The following MAX variants were observed in gnomAD, a reference collection of about 807,000 sequenced individuals.
MAX encodes the protein MYC associated transcriptional regulator X, also known as protein max.
MAX carries 3 observed loss-of-function variants against 22.3 expected under a neutral mutation model. The observed-to-expected ratio is 0.13, with a 90% CI of 0.06 to 0.35. The LOEUF is 0.35. Ranked by LOEUF, MAX falls within the 10% of genes least tolerant of loss-of-function variation. MAX has a pLI of 1.00. For synonymous variants in MAX, 72 were observed against 77.7 expected, an observed-to-expected ratio of 0.93 and a Z score of 0.39; for missense variants, 119 against 209.4, an observed-to-expected ratio of 0.57 and a Z score of 2.66.
rs773260448 is a variant in MAX at position 65,077,420 on chromosome 14, C to T, written c.295+493G>A. 3.1e-6 allele frequency: 5 copies of T among 1,611,016 alleles called. No homozygotes were observed. Among genetic ancestry groups the T allele is most frequent in the South Asian group, 2.2e-5 (2 of 91,024 alleles). ...AGGAACAAAGAACTTGATCAGCTCT[C>T]GCTTTCCCCTGTGGTTGTAGGAAAA... On this transcript the variant is annotated intron_variant, in intron 4 of 4. Coordinates refer to ENST00000358664, the MANE Select transcript of MAX (RefSeq NM_002382.5). This position sits in a 1 kb window ranked among gnomAD's most constrained non-coding sequence, Gnocchi z 6.3.
Position 65,077,252 on chromosome 14 carries a change from T to G in MAX, c.296-589A>C, listed in dbSNP as rs190410205. 1,576 of 972,960 alleles carry G rather than the reference T, an allele frequency of 1.6e-3. 11 individuals are homozygous for G. In the African/African-American group the frequency reaches 0.02, roughly 12 times the overall value. 60.3% of individuals were successfully genotyped at this position (972,960 alleles called of 1,614,324 possible). On this transcript the variant is annotated intron_variant, in intron 4 of 4. Transcript: ENST00000358664. The surrounding 1 kb of genome is among the most constrained non-coding windows in gnomAD (Gnocchi z 6.3). ...CTGACACCACCCACTGCCCATCCCT[T>G]GGTTCAGCTCAGCTTGAGCCTGGAA... is the stretch of plus-strand genomic sequence containing the variant.
At position 65,093,805 on chromosome 14, in the gene MAX, C is replaced by T. The variant is rs1386979906; in HGVS notation, c.74G>A (p.Arg25Gln). 6.3e-7 allele frequency: 1 copy of T among 1,581,528 alleles called. No homozygotes were observed. Among genetic ancestry groups the T allele is most frequent in the Non-Finnish European group, 8.7e-7 (1 of 1,150,330 alleles). Reference sequence around the variant, plus strand: ...TCGTTCCAGTGCATTATGATGAGCCCGTTTGTCAGCCTAGAAGAATGGGAG... The same window carrying T: ...TCGTTCCAGTGCATTATGATGAGCCTGTTTGTCAGCCTAGAAGAATGGGAG... ...QPRFQSAADKRAHHNALERKR... is the reference protein window; with the variant it reads ...QPRFQSAADKQAHHNALERKR... Residue 25 changes from arginine to glutamine, a missense_variant, in exon 3 of 5, where the codon CGG (arginine) becomes CAG (glutamine). Coordinates refer to ENST00000358664, the MANE Select transcript of MAX (RefSeq NM_002382.5). The surrounding 1 kb of genome is among the most constrained non-coding windows in gnomAD (Gnocchi z 4.4).
intron 3 of MAX, among the ~76,000 whole-genome samples, chr14:65,026,232 A>G (rs891434573): frequency 2.6e-5 from 4 of 152,230 alleles, no homozygotes; most frequent in Non-Finnish European, 5.9e-5. Flanking sequence ...AAACAGCTTG[A>G]TAACCAGGGC....
At position 65,075,588 on chromosome 14, in the gene MAX, G is replaced by A. The variant is rs1049514372; in HGVS notation, c.*888C>T. On this transcript the variant is annotated 3_prime_UTR_variant, in exon 5 of 5. Transcript: ENST00000358664. This position sits in a 1 kb window ranked among gnomAD's most constrained non-coding sequence, Gnocchi z 4.1. The stretch of plus-strand genomic sequence containing the variant: ...TATGAATCTGTCGCTTTGCAAGACC[G>A]ACATCATCAGAAATAGGTACAATTC... 17 of 1,066,090 alleles carry A rather than the reference G, an allele frequency of 1.6e-5. 1 individual carries two copies. In the South Asian group the frequency reaches 2.7e-4, roughly 17 times the overall value. The allele number at this position is 1,066,090 out of a possible 1,614,324, so 66.0% of individuals were successfully genotyped here. A position where few individuals can be genotyped will look rare whatever the true frequency, so the allele number is the denominator to read the frequency against.
Position 65,027,877 on chromosome 14 carries a change from C to G in MAX, c.172-21593G>C. The G allele has an allele frequency of 6.6e-7, 1 of 1,508,330 alleles. No individual in the cohort carries two copies. Among genetic ancestry groups the G allele is most frequent in the South Asian group, 1.2e-5 (1 of 84,800 alleles). The allele number at this position is 1,508,330 out of a possible 1,614,324, so 93.4% of individuals were successfully genotyped here. A position where few individuals can be genotyped will look rare whatever the true frequency, so the allele number is the denominator to read the frequency against. On this transcript the variant is annotated intron_variant, in intron 3 of 3. Coordinates refer to the MAX transcript ENST00000341653. This position sits in a 1 kb window ranked among gnomAD's most constrained non-coding sequence, Gnocchi z 5.7. Reference sequence around the variant, plus strand: ...CCTAAGGAACATCATGGGGAAGCTGCTGCTTTGTCCCAGAATGACACATGG... The same window carrying G: ...CCTAAGGAACATCATGGGGAAGCTGGTGCTTTGTCCCAGAATGACACATGG...
At chr14:65,056,757 G>C (rs1444387218) in intron 3 of MAX, among the ~76,000 whole-genome samples, 2 of 152,174 alleles carry the variant, frequency 1.3e-5, no homozygotes, top group Non-Finnish European at 1.5e-5. Context: ...CATGTGTGTA[G>C]TGAATATCTT....
rs1028733104 is a variant in MAX, at chr14:65,044,942, C to T, written c.172-38658G>A. On this transcript the variant is annotated intron_variant, in intron 3 of 3. Coordinates refer to the MAX transcript ENST00000341653. The surrounding 1 kb of genome is among the most constrained non-coding windows in gnomAD (Gnocchi z 5.5). ...CCCTACACCATGGAGAAGAGACTCGCCGTGTCTGACTGGCTGCAGAGTTGT... is the reference window on the plus strand; with the variant it reads ...CCCTACACCATGGAGAAGAGACTCGTCGTGTCTGACTGGCTGCAGAGTTGT... 6.6e-6 allele frequency among the ~76,000 whole-genome samples: 1 copy of T among 152,122 alleles called. No individual in the cohort carries two copies. The highest frequency in any genetic ancestry group is 1.5e-5 in the Non-Finnish European group (1 of 68,022).
chr14:65,049,849 C>CA (rs1418116222), intron 3 of MAX, among the ~76,000 whole-genome samples: 1 of 151,998 alleles, frequency 6.6e-6, no homozygotes, highest in Non-Finnish European at 1.5e-5. Flanking sequence ...AGTTGCGAAC[C>CA]ATCATGACAA....
Position 65,012,663 on chromosome 14 carries a change from T to A in MAX, c.172-6379A>T, listed in dbSNP as rs1384663693. On this transcript the variant is annotated intron_variant, in intron 3 of 3. Coordinates refer to the MAX transcript ENST00000341653. This position sits in a 1 kb window ranked among gnomAD's most constrained non-coding sequence, Gnocchi z 5.0. ...GACTAAGGGGTTCACGTGCTTTATC[T>A]AGACCTCCTTGACAGCTGGCTAAAT... Among the ~76,000 whole-genome samples, 1 of 152,240 alleles carries A rather than the reference T, an allele frequency of 6.6e-6. No individual in the cohort carries two copies. The highest frequency in any genetic ancestry group is 1.5e-5 in the Non-Finnish European group (1 of 68,042).
In MAX at chr14:65,023,643, C is replaced by G. The variant is rs1340575837; in HGVS notation, c.172-17359G>C. On this transcript the variant is annotated intron_variant, in intron 3 of 3. Coordinates refer to the MAX transcript ENST00000341653. The surrounding 1 kb of genome is among the most constrained non-coding windows in gnomAD (Gnocchi z 4.1). ...TAGTTGTGGAGTACTTGAAATGTGT[C>G]TTGTGTGACTGAAGAGCTGAATTTT... Among the ~76,000 whole-genome samples, 1 of 152,254 alleles carries G rather than the reference C, an allele frequency of 6.6e-6. No homozygotes were observed. The highest frequency in any genetic ancestry group is 6.5e-5 in the Admixed American group (1 of 15,294).
At position 65,067,265 on chromosome 14, in the gene MAX, CAG is replaced by C. The variant is rs558186283; in HGVS notation, c.171+26441_171+26442del. Among the ~76,000 whole-genome samples the C allele has an allele frequency of 5.9e-5, 9 of 152,044 alleles. No individual in the cohort carries two copies. The East Asian group carries it at 1.7e-3, about 29-fold the overall frequency. On this transcript the variant is annotated intron_variant, in intron 3 of 3. Coordinates refer to the MAX transcript ENST00000341653. Reference sequence around the variant, plus strand: ...ACAGAAAAATTGCAAAGATAGTACACAGAGTTCCCACAGACCCATTAGTCAGT... The same window carrying C: ...ACAGAAAAATTGCAAAGATAGTACACAGTTCCCACAGACCCATTAGTCAGT...
chr14:65,041,998 A>T (rs572802658), intron 3 of MAX, among the ~76,000 whole-genome samples: 1 of 152,230 alleles, frequency 6.6e-6, no homozygotes, highest in African/African-American at 2.4e-5. Context: ...TTTTAGCTTG[A>T]TATTTTTTTC....
intron 3 of MAX, among the ~76,000 whole-genome samples, chr14:65,086,902 C>T (rs995508705): frequency 6.6e-6 from 1 of 152,214 alleles, no homozygotes; most frequent in Non-Finnish European, 1.5e-5. Context: ...GACCCAGAGG[C>T]CTAGGAGGAA....
chr14:65,091,803 T>C (rs1302248080), intron 3 of MAX: 1 of 152,262 alleles, frequency 6.6e-6, no homozygotes, highest in Non-Finnish European at 1.5e-5. Flanking sequence ...ATAATACATA[T>C]ATTTTAAATT....
intron 3 of MAX, chr14:65,091,915 T>A (rs377489992): frequency 6.6e-6 from 1 of 152,232 alleles, no homozygotes; most frequent in African/African-American, 2.4e-5. Flanking sequence ...GTGCCTGGCA[T>A]GTAGCAGACC....
At position 65,076,440 on chromosome 14, in the gene MAX, A is replaced by G. The variant is rs377672300; in HGVS notation, c.*36T>C. 7 of 1,612,054 alleles carry G rather than the reference A, an allele frequency of 4.3e-6. No homozygotes were observed. The highest frequency in any genetic ancestry group is 1.3e-5 in the African/African-American group (1 of 74,814). Reference sequence around the variant, plus strand: ...CTGAAAGGAGGATGAGACGATGGAGACAGACAGTTTTTATTGCTGGCCTGC... The same window carrying G: ...CTGAAAGGAGGATGAGACGATGGAGGCAGACAGTTTTTATTGCTGGCCTGC... On this transcript the variant is annotated 3_prime_UTR_variant, in exon 5 of 5. Transcript: ENST00000358664. The surrounding 1 kb of genome is among the most constrained non-coding windows in gnomAD (Gnocchi z 6.6).
rs1162988634 is a variant in MAX at position 65,077,333 on chromosome 14, T to G, written c.295+580A>C. The G allele has an allele frequency of 1.3e-6, 2 of 1,589,552 alleles. No individual in the cohort carries two copies. Among genetic ancestry groups the G allele is most frequent in the Admixed American group, 1.7e-5 (1 of 59,946 alleles). Reference sequence around the variant, plus strand: ...TTTATTTGAGGTTTTCTAACCCAGGTGGTTACTTGCATTTCCTTTTACTTG... The same window carrying G: ...TTTATTTGAGGTTTTCTAACCCAGGGGGTTACTTGCATTTCCTTTTACTTG... On this transcript the variant is annotated intron_variant, in intron 4 of 4. Transcript: ENST00000358664. This position sits in a 1 kb window ranked among gnomAD's most constrained non-coding sequence, Gnocchi z 6.3.
rs2062052946 is a variant in MAX, at chr14:65,030,208, C to A, written c.172-23924G>T. 6.6e-6 allele frequency among the ~76,000 whole-genome samples: 1 copy of A among 152,142 alleles called. No homozygotes were observed. The highest frequency in any genetic ancestry group is 6.6e-5 in the Admixed American group (1 of 15,266). ...AATGCATCTGAGCCTCTTTAAGAGG[C>A]CTACAATTGCAAGGAAATTAGACAG... On this transcript the variant is annotated intron_variant, in intron 3 of 3. Transcript: ENST00000341653. The surrounding 1 kb of genome is among the most constrained non-coding windows in gnomAD (Gnocchi z 4.5).
At chr14:65,038,515 C>T (rs1190119125) in intron 3 of MAX, among the ~76,000 whole-genome samples, 2 of 151,832 alleles carry the variant, frequency 1.3e-5, no homozygotes, top group African/African-American at 4.8e-5. Flanking sequence ...GTCAGGAGTT[C>T]GAAACCAGCC....
Sources: gnomAD v4.1 joint callset for allele counts (sites outside exome capture counted in the v4.1 genomes callset) on GRCh38, gnomAD v4.1.1 for gene constraint, Gnocchi (gnomAD v3.1) non-coding constraint, MANE v1.5 for transcripts, NCBI Gene and HGNC (gene_info 2026-07-23, HGNC 2026-07-21) for gene names.